Variants in SPMAP2L observed in about 807,000 individuals in gnomAD.
SPMAP2L encodes sperm microtubule associated protein 2 like.
At chr4:56,534,498 G>A in the SPMAP2L span, among the ~76,000 whole-genome samples, 3 of 152,120 alleles carry the variant, frequency 2.0e-5, no homozygotes, top group Admixed American at 1.3e-4. Flanking sequence ...CCTGGGTGAG[G>A]TCATCAGTTC....
At chr4:56,583,564 G>A in the SPMAP2L span, among the ~76,000 whole-genome samples, 1 of 152,146 alleles carries the variant, frequency 6.6e-6, no homozygotes, top group Non-Finnish European at 1.5e-5. Context: ...TTCCATATTA[G>A]GCTCGTAGGT....
the SPMAP2L span, among the ~76,000 whole-genome samples, chr4:56,581,253 G>C: frequency 2.6e-5 from 4 of 152,118 alleles, no homozygotes; most frequent in South Asian, 6.2e-4. Context: ...TCAGGAGTTC[G>C]AGACTAGCCT....
the SPMAP2L span, among the ~76,000 whole-genome samples, chr4:56,553,997 G>T: frequency 6.8e-6 from 1 of 148,012 alleles, no homozygotes; most frequent in African/African-American, 2.5e-5. Flanking sequence ...CTTCCTTTAT[G>T]TTTTTTTTTT....
chr4:56,541,701 T>C, the SPMAP2L span, among the ~76,000 whole-genome samples: 1 of 152,220 alleles, frequency 6.6e-6, no homozygotes, highest in African/African-American at 2.4e-5. Flanking sequence ...CCAGATACCA[T>C]GTCATTTTAC....
the SPMAP2L span, among the ~76,000 whole-genome samples, chr4:56,605,718 TAAACAGATCCTCAGCATTTCAAAGGAGC>T: frequency 5.5e-4 from 83 of 152,240 alleles, no homozygotes; most frequent in African/African-American, 1.9e-3. Context: ...TTGGCCTGGG[TAAACAGATCCTCAGCATTTCAAAGGAGC>T]CCAATTAACT....
At chr4:56,611,387 G>A in the SPMAP2L span, among the ~76,000 whole-genome samples, 5 of 152,134 alleles carry the variant, frequency 3.3e-5, no homozygotes, top group Non-Finnish European at 7.3e-5. Flanking sequence ...AGGATGCAAA[G>A]GCATAAGAAT....
chr4:56,600,097 C>CTTTCTTTTTTTTTTTTTTT, the SPMAP2L span, among the ~76,000 whole-genome samples: 2 of 87,782 alleles, frequency 2.3e-5, no homozygotes, highest in African/African-American at 1.0e-4. Context: ...TCTTTGCTTT[C>CTTTCTTTTTTTTTTTTTTT]TTTTTTTTTT....
At chr4:56,543,139 A>T in the SPMAP2L span, among the ~76,000 whole-genome samples, 1 of 150,652 alleles carries the variant, frequency 6.6e-6, no homozygotes, top group Non-Finnish European at 1.5e-5. Flanking sequence ...GCTGGAGTGC[A>T]GGGGTGCGAT....
chr4:56,566,215 T>C, the SPMAP2L span, among the ~76,000 whole-genome samples: 1 of 152,188 alleles, frequency 6.6e-6, no homozygotes, highest in East Asian at 1.9e-4. Context: ...TTTATTTATT[T>C]GAGATGGAGT....
the SPMAP2L span, among the ~76,000 whole-genome samples, chr4:56,567,442 G>GTTTTTTTTTTTTTTT: frequency 3.0e-4 from 20 of 65,576 alleles, 4 homozygotes; most frequent in East Asian, 7.7e-4. Flanking sequence ...AATTTTGGTG[G>GTTTTTTTTTTTTTTT]TTTTTTTTTT....
the SPMAP2L span, among the ~76,000 whole-genome samples, chr4:56,531,759 C>T: frequency 3.3e-5 from 5 of 152,344 alleles, no homozygotes; most frequent in South Asian, 8.3e-4. Context: ...AACATCCTTG[C>T]TCTGACCCCA....
chr4:56,543,891 AGAGAGTGTGTGTGTGTGT>A, the SPMAP2L span, among the ~76,000 whole-genome samples: 1 of 123,732 alleles, frequency 8.1e-6, no homozygotes, highest in Admixed American at 8.3e-5. Context: ...AGAGAGAGAG[AGAGAGTGTGTGTGTGTGT>A]GTGTGTGTGT....
At chr4:56,531,384 C>T in the SPMAP2L span, among the ~76,000 whole-genome samples, 11 of 152,178 alleles carry the variant, frequency 7.2e-5, no homozygotes, top group Non-Finnish European at 1.3e-4. Context: ...AACTGACACC[C>T]TGATAATGAG....
the SPMAP2L span, among the ~76,000 whole-genome samples, chr4:56,549,851 C>T: frequency 3.1e-4 from 47 of 152,282 alleles, no homozygotes; most frequent in Admixed American, 6.5e-4. Context: ...TGGGTCTCAT[C>T]CCCAAGATAC....
At chr4:56,605,271 C>A in the SPMAP2L span, among the ~76,000 whole-genome samples, 1 of 152,162 alleles carries the variant, frequency 6.6e-6, no homozygotes, top group Non-Finnish European at 1.5e-5. Context: ...AGTGTCTTTG[C>A]TTTGCCAGGC....
chr4:56,618,303 G>A, the SPMAP2L span, among the ~76,000 whole-genome samples: 1 of 152,200 alleles, frequency 6.6e-6, no homozygotes, highest in Non-Finnish European at 1.5e-5. Flanking sequence ...ATTAGAGAAA[G>A]TATGAAAATA....
chr4:56,588,614 A>G, the SPMAP2L span, among the ~76,000 whole-genome samples: 11 of 152,166 alleles, frequency 7.2e-5, no homozygotes, highest in South Asian at 2.1e-3. Flanking sequence ...TATTTTTAGT[A>G]GAGATGGGGT....
At chr4:56,594,704 G>A in the SPMAP2L span, 2 of 1,366,466 alleles carry the variant, frequency 1.5e-6, no homozygotes, top group African/African-American at 1.4e-5. Context: ...TCACCTCAAG[G>A]CCATGGTGGA....
the SPMAP2L span, among the ~76,000 whole-genome samples, chr4:56,608,347 G>A: frequency 6.6e-6 from 1 of 152,238 alleles, no homozygotes; most frequent in Non-Finnish European, 1.5e-5. Flanking sequence ...AAGCATGGTT[G>A]AGAGAGAACA....
Sources: gnomAD v4.1 joint callset for allele counts (sites outside exome capture counted in the v4.1 genomes callset) on GRCh38, gnomAD v4.1.1 for gene constraint, MANE v1.5 for transcripts, NCBI Gene and HGNC (gene_info 2026-07-23, HGNC 2026-07-21) for gene names.